The following USP50 variants were observed in gnomAD, a reference collection of about 807,000 sequenced individuals.
The protein encoded by USP50 is ubiquitin specific peptidase 50.
In USP50, 37 loss-of-function variants were observed where a neutral mutation model predicts 39.2. The observed-to-expected ratio is 0.94, with a 90% CI of 0.73 to 1.24. USP50 has a LOEUF of 1.24. Among genes scored for constraint, USP50 ranks in the 50% most tolerant of loss-of-function variants. USP50 has a pLI of 0.00. For synonymous variants in USP50, 139 were observed against 144.5 expected (o/e 0.96, Z 0.27); for missense variants, 374 against 398.2 (o/e 0.94, Z 0.52).
intron 6 of USP50, chr15:50,506,881 C>G (rs2052668142): frequency 7.4e-6 from 1 of 135,824 alleles, no homozygotes; most frequent in Admixed American, 8.7e-5. Context: ...TGGCATGAAC[C>G]CAGGAGGTGA....
chr15:50,493,744 T>C, downstream of USP50: 1 of 402,632 alleles, frequency 2.5e-6, no homozygotes, highest in Non-Finnish European at 4.7e-6. Flanking sequence ...TGAGACCCTA[T>C]CTCAAAAAAG....
intron 2 of USP50, among the ~76,000 whole-genome samples, chr15:50,544,281 G>A (rs1239123771): frequency 6.6e-6 from 1 of 151,908 alleles, no homozygotes; most frequent in East Asian, 1.9e-4. Flanking sequence ...AGGGTCACTT[G>A]AACCCGAGGA....
intron 6 of USP50, among the ~76,000 whole-genome samples, chr15:50,514,994 T>TATAA (rs2052789769): frequency 2.7e-5 from 2 of 74,628 alleles, no homozygotes. Context: ...AGACACAGTC[T>TATAA]AAAAAAAAAA....
chr15:50,525,608 A>ATATATGTATATG (rs2052886641), intron 6 of USP50, among the ~76,000 whole-genome samples: 3 of 129,578 alleles, frequency 2.3e-5, no homozygotes, highest in South Asian at 2.3e-4. Context: ...ATGTATATGT[A>ATATATGTATATG]TATATGTATA....
At chr15:50,496,504 T>G (rs3098180), downstream of USP50, among the ~76,000 whole-genome samples, 25,268 of 149,756 alleles carry the variant, frequency 0.17, 2,622 homozygotes, top group East Asian at 0.47. Context: ...AAAAAAACCT[T>G]TTATCAGTAA....
intron 6 of USP50, chr15:50,502,157 G>A (rs2052599250): frequency 6.6e-6 from 1 of 152,028 alleles, no homozygotes; most frequent in South Asian, 2.1e-4. Flanking sequence ...GCCCAGGCTG[G>A]AATGCAGTGG....
chr15:50,546,432 C>A lies in USP50; in HGVS notation c.53+41G>T, dbSNP rs558482749. The A allele has an allele frequency of 5.0e-5, 80 of 1,609,612 alleles. No homozygotes were observed. The East Asian group carries it at 1.6e-3, about 31-fold the overall frequency. On this transcript the variant is annotated intron_variant, in intron 1 of 6. Transcript: ENST00000532404. The stretch of plus-strand genomic sequence containing the variant: ...ACTCCTCTGAGCTTGACTTTCCCAC[C>A]ACTGGGCTAATCTAGAAAGCTGTAG...
intron 6 of USP50, among the ~76,000 whole-genome samples, chr15:50,519,336 T>A (rs1287887516): frequency 6.6e-6 from 1 of 151,896 alleles, no homozygotes; most frequent in Non-Finnish European, 1.5e-5. Flanking sequence ...AGGACATGAA[T>A]ACACATTTCT....
chr15:50,508,318 G>A (rs558523728), intron 6 of USP50: 20 of 152,172 alleles, frequency 1.3e-4, no homozygotes, highest in Admixed American at 9.8e-4. Flanking sequence ...AAAATAATAC[G>A]ATGCCAAGAA....
intron 6 of USP50, among the ~76,000 whole-genome samples, chr15:50,524,160 C>T (rs1023964687): frequency 2.6e-5 from 4 of 152,142 alleles, no homozygotes; most frequent in African/African-American, 9.7e-5. Context: ...AGACCTGAAA[C>T]TATAAAACAA....
downstream of USP50, among the ~76,000 whole-genome samples, chr15:50,497,856 C>A (rs2052477104): frequency 6.6e-6 from 1 of 152,026 alleles, no homozygotes; most frequent in Non-Finnish European, 1.5e-5. Flanking sequence ...TTATTGAGAG[C>A]TGTAATTTTT....
intron 5 of USP50, among the ~76,000 whole-genome samples, chr15:50,538,273 CAAAAAAAAAAAAAAA>C (rs766139797): frequency 6.2e-3 from 107 of 17,310 alleles, no homozygotes; most frequent in African/African-American, 0.012. Context: ...GAGACTGTCT[CAAAAAAAAAAAAAAA>C]AAAAAAAAAA....
chr15:50,539,099 T>G (rs1000552933), intron 4 of USP50, among the ~76,000 whole-genome samples: 12 of 146,454 alleles, frequency 8.2e-5, no homozygotes, highest in African/African-American at 2.3e-4. Context: ...TAGAAATCAG[T>G]TTTTTTTGGT....
chr15:50,500,104 C>G (rs1285529638), downstream of USP50: 1 of 152,056 alleles, frequency 6.6e-6, no homozygotes, highest in Non-Finnish European at 1.5e-5. Flanking sequence ...AAATAAGATT[C>G]TAAAAGTGCT....
At chr15:50,532,563 C>T in intron 5 of USP50, among the ~76,000 whole-genome samples, 1 of 152,126 alleles carries the variant, frequency 6.6e-6, no homozygotes, top group Admixed American at 6.6e-5. Context: ...AAGTCAGTTT[C>T]TCTTACCCAG....
downstream of USP50, chr15:50,498,854 A>G: frequency 2.6e-6 from 4 of 1,558,574 alleles, no homozygotes; most frequent in Non-Finnish European, 3.5e-6. Context: ...CGTATTTTAA[A>G]TAACAATTTT....
In USP50 at chr15:50,529,726, A is replaced by T. The variant is rs186680800; in HGVS notation, c.936+71T>A. 1.4e-4 allele frequency: 219 copies of T among 1,520,070 alleles called. No homozygotes were observed. The Admixed American group carries it at 1.9e-3, about 13-fold the overall frequency. The allele number at this position is 1,520,070 out of a possible 1,614,324, so 94.2% of individuals were successfully genotyped here. On this transcript the variant is annotated intron_variant, in intron 6 of 6. Transcript: ENST00000532404. ...TAAGCCAGGGAGAGACAGGAGAAAT[A>T]GGGATTCAAGCAGATAATTCTGGAG...
At chr15:50,531,776 G>A (rs953878887) in intron 5 of USP50, among the ~76,000 whole-genome samples, 4 of 152,072 alleles carry the variant, frequency 2.6e-5, no homozygotes, top group African/African-American at 7.2e-5. Flanking sequence ...AATGATGAGA[G>A]ACATCTAGTT....
intron 6 of USP50, among the ~76,000 whole-genome samples, chr15:50,515,821 T>A (rs555454817): frequency 6.6e-6 from 1 of 152,228 alleles, no homozygotes; most frequent in South Asian, 2.1e-4. Flanking sequence ...ATTTCACATG[T>A]TAAGTGTGTG....
Sources: allele counts gnomAD v4.1 joint callset (sites outside exome capture counted in the v4.1 genomes callset), GRCh38; gene constraint gnomAD v4.1.1; transcripts MANE v1.5; gene names NCBI Gene and HGNC (gene_info 2026-07-23, HGNC 2026-07-21).